WWC2: variants seen among roughly 807,000 people sequenced by gnomAD.
The protein encoded by WWC2 is protein WWC2.
WWC2 carries 101 observed loss-of-function variants against 138.5 expected under a neutral mutation model. The observed-to-expected ratio is 0.73, with a 90% CI of 0.62 to 0.86. The LOEUF is 0.86. WWC2 is among the 40% of genes least tolerant of loss of function. The pLI is 0.00. For missense variants in WWC2, 1,420 were observed against 1,419.4 expected (o/e 1.00, Z -0.01); for synonymous variants, 558 against 538.4 (o/e 1.04, Z -0.50).
At chr4:183,172,556 GTTTTTTT>G (rs61599876) in intron 1 of WWC2, among the ~76,000 whole-genome samples, 23 of 113,072 alleles carry the variant, frequency 2.0e-4, no homozygotes, top group African/African-American at 6.3e-4. Flanking sequence ...TATGTTTCTT[GTTTTTTT>G]TTTTTTTTTT....
intron 2 of WWC2, among the ~76,000 whole-genome samples, chr4:183,202,920 T>C (rs1039373576): frequency 5.9e-5 from 9 of 152,244 alleles, no homozygotes; most frequent in African/African-American, 2.2e-4. Context: ...AAAGGCTTTT[T>C]ATATTTTGCA....
chr4:183,300,406 G>A (rs1046960038), intron 21 of WWC2, among the ~76,000 whole-genome samples: 4 of 150,924 alleles, frequency 2.7e-5, no homozygotes, highest in African/African-American at 9.8e-5. Flanking sequence ...GTGCTAGACT[G>A]CAGAACTGCT....
chr4:183,153,675 T>C (rs2111122523), intron 1 of WWC2, among the ~76,000 whole-genome samples: 1 of 136,262 alleles, frequency 7.3e-6, no homozygotes, highest in Non-Finnish European at 1.6e-5. Flanking sequence ...TAAGACATGG[T>C]TTTTCTGTCA....
intron 6 of WWC2, among the ~76,000 whole-genome samples, chr4:183,245,951 G>A (rs1001277071): frequency 6.6e-6 from 1 of 152,202 alleles, no homozygotes; most frequent in Non-Finnish European, 1.5e-5. Flanking sequence ...CTTGCCTTTT[G>A]GGGATGAGGC....
At chr4:183,311,906 C>T (rs1378947574) in intron 21 of WWC2, among the ~76,000 whole-genome samples, 1 of 151,946 alleles carries the variant, frequency 6.6e-6, no homozygotes, top group African/African-American at 2.4e-5. Flanking sequence ...GTAAATTCTA[C>T]GTTAAATAAA....
At chr4:183,220,962 T>G (rs1247785620) in intron 4 of WWC2, among the ~76,000 whole-genome samples, 1 of 152,056 alleles carries the variant, frequency 6.6e-6, no homozygotes, top group African/African-American at 2.4e-5. Context: ...ATAAGAAAGC[T>G]AATATACTAA....
Position 183,271,260 on chromosome 4 carries a change from A to C in WWC2, c.2562+19A>C. On this transcript the variant is annotated intron_variant, in intron 16 of 22. Transcript: ENST00000403733. The stretch of plus-strand genomic sequence containing the variant: ...AGACTTGGTGAGTCAAAATTAGAGT[A>C]TAATATGAAAGTAATGTGAAATACA... The C allele has an allele frequency of 6.3e-7, 1 of 1,586,612 alleles. No individual in the cohort carries two copies. The highest frequency in any genetic ancestry group is 8.6e-7 in the Non-Finnish European group (1 of 1,168,460).
At chr4:183,154,788 T>G (rs62336603) in intron 1 of WWC2, among the ~76,000 whole-genome samples, 2 of 152,184 alleles carry the variant, frequency 1.3e-5, no homozygotes, top group Non-Finnish European at 2.9e-5. Flanking sequence ...ATAGTAGATA[T>G]GCCGTATAGC....
chr4:183,271,410 A>G (rs756109544), intron 16 of WWC2, among the ~76,000 whole-genome samples, 169 bp downstream of exon 16: 1 of 152,238 alleles, frequency 6.6e-6, no homozygotes, highest in African/African-American at 2.4e-5. Flanking sequence ...CTTCCTAAAA[A>G]AAAAGAAAGT....
intron 1 of WWC2, among the ~76,000 whole-genome samples, chr4:183,154,226 T>C (rs978677251): frequency 1.3e-5 from 2 of 152,188 alleles, no homozygotes; most frequent in South Asian, 2.1e-4. Flanking sequence ...GAATCCTGGC[T>C]CTGCCTTTCA....
rs565365812 is a variant in WWC2, at chr4:183,312,532, C to A, written c.3512+64C>A. The A allele has an allele frequency of 2.5e-6, 4 of 1,599,226 alleles. No homozygotes were observed. The East Asian group carries it at 6.8e-5, about 27-fold the overall frequency. On this transcript the variant is annotated intron_variant, in intron 22 of 22. Coordinates refer to ENST00000403733, the MANE Select transcript of WWC2 (RefSeq NM_024949.6). ...CACGGGGTCTGATTGTGTAGGAATT[C>A]ACCTCAGTGCAGTGAAAGTTAATAT...
chr4:183,202,871 A>G (rs1186945136), intron 2 of WWC2, among the ~76,000 whole-genome samples: 4 of 152,180 alleles, frequency 2.6e-5, no homozygotes, highest in Non-Finnish European at 4.4e-5. Flanking sequence ...TGCTTTTGCA[A>G]TCTGAGTATC....
At chr4:183,284,442 CTGGT>C in intron 19 of WWC2, 52 bp downstream of exon 19, 1 of 1,590,418 alleles carries the variant, frequency 6.3e-7, no homozygotes, top group Non-Finnish European at 8.5e-7. Flanking sequence ...TTCTTCCCTG[CTGGT>C]AGGGAGTGGC....
At chr4:183,109,483 G>A (rs911658366) in intron 1 of WWC2, among the ~76,000 whole-genome samples, 1 of 152,216 alleles carries the variant, frequency 6.6e-6, no homozygotes, top group African/African-American at 2.4e-5. Flanking sequence ...TGGAGGAGTT[G>A]CGAGGGATGG....
rs770166942 is a variant in WWC2 at position 183,253,971 on chromosome 4, G to A, written c.1168G>A (p.Gly390Arg). 4.3e-6 allele frequency: 7 copies of A among 1,613,732 alleles called. 1 individual carries two copies. In the South Asian group the frequency reaches 6.6e-5, roughly 15 times the overall value. The change falls in exon 9 of 23, where the codon GGA (glycine) becomes AGA (arginine). Residue 390 changes from glycine to arginine, a missense_variant. By Grantham distance (125) the Gly-to-Arg change is moderately radical. Transcript: ENST00000403733. ...RLEEELLSVR[G>R]TPSRALAERL... Reference sequence around the variant, plus strand: ...GGAAGAAGAGTTGCTGTCTGTGAGGGGAACACCAAGCAGAGCTCTGGCCGA... The same window carrying A: ...GGAAGAAGAGTTGCTGTCTGTGAGGAGAACACCAAGCAGAGCTCTGGCCGA...
chr4:183,312,017 T>C (rs1172407019), intron 21 of WWC2, among the ~76,000 whole-genome samples: 2 of 152,250 alleles, frequency 1.3e-5, no homozygotes, highest in Admixed American at 6.5e-5. Flanking sequence ...AGATATTTTT[T>C]GGAAACAGTG....
At chr4:183,229,152 A>G (rs973822402) in intron 4 of WWC2, among the ~76,000 whole-genome samples, 3 of 152,096 alleles carry the variant, frequency 2.0e-5, no homozygotes, top group African/African-American at 4.8e-5. Flanking sequence ...GGCTGTTGCT[A>G]CTTCGAGGAC....
At chr4:183,286,123 C>A in intron 20 of WWC2, 64 bp downstream of exon 20, 2 of 1,406,522 alleles carry the variant, frequency 1.4e-6, no homozygotes, top group Non-Finnish European at 2.0e-6. Flanking sequence ...ACTTGTGCAG[C>A]ACAAACTCCA....
intron 4 of WWC2, among the ~76,000 whole-genome samples, chr4:183,224,537 AG>A: frequency 6.6e-6 from 1 of 152,088 alleles, no homozygotes; most frequent in African/African-American, 2.4e-5. Context: ...AACAGAGTTG[AG>A]GTTTTTGTTT....
Sources: allele counts gnomAD v4.1 joint callset (sites outside exome capture counted in the v4.1 genomes callset), GRCh38; gene constraint gnomAD v4.1.1; transcripts MANE v1.5; gene names NCBI Gene and HGNC (gene_info 2026-07-23, HGNC 2026-07-21).